RRP7A: variants seen among roughly 807,000 people sequenced by gnomAD.
The protein encoded by RRP7A is ribosomal RNA-processing protein 7 homolog A.
In RRP7A, 27 loss-of-function variants were observed where a neutral mutation model predicts 38.4. The observed-to-expected ratio is 0.70, with a 90% confidence interval of 0.52 to 0.97. The LOEUF is 0.97. Among genes scored for constraint, RRP7A ranks in the 50% least tolerant of loss-of-function variants. RRP7A has a pLI of 0.00. For missense variants in RRP7A, 327 were observed against 375.4 expected, an observed-to-expected ratio of 0.87 and a Z score of 1.07; for synonymous variants, 124 against 150.3, an observed-to-expected ratio of 0.83 and a Z score of 1.28.
In RRP7A at chr22:42,514,680, A is replaced by G; in HGVS notation, c.558+2T>C. The G allele has an allele frequency of 6.2e-7, 1 of 1,602,000 alleles. No individual in the cohort carries two copies. The highest frequency in any genetic ancestry group is 2.2e-5 in the East Asian group (1 of 44,588). On this transcript the variant is annotated splice_donor_variant, in intron 5 of 6. Transcript: ENST00000323013. LOFTEE classifies it high-confidence loss of function. ...GCTCGGCCGACCCCGCGGGGCCTCT[A>G]CCTCAGCGATCTTCTGGTCATATGC...
At position 42,508,426 on chromosome 22, in the gene RRP7A, T is replaced by A. The variant is rs1299879531; in HGVS notation, c.*4484A>T. On this transcript the variant is annotated 3_prime_UTR_variant, in exon 7 of 7. Transcript: ENST00000323013. ...AGCTTGATTGCATTATTTTGCATGCTGTTTTCCAAATCCAGCTTCGTGTCA... is the reference window on the plus strand; with the variant it reads ...AGCTTGATTGCATTATTTTGCATGCAGTTTTCCAAATCCAGCTTCGTGTCA... Among the ~76,000 whole-genome samples, 2 of 151,614 alleles carry A rather than the reference T, an allele frequency of 1.3e-5. No individual in the cohort carries two copies. Among genetic ancestry groups the A allele is most frequent in the African/African-American group, 2.4e-5 (1 of 41,060 alleles).
At position 42,509,850 on chromosome 22, in the gene RRP7A, G is replaced by GGTGTGTGTGTGTGTGTGGGTGTGT. The variant is rs1932395238; in HGVS notation, c.*3059_*3060insACACACCCACACACACACACACAC. The GGTGTGTGTGTGTGTGTGGGTGTGT allele has an allele frequency of 1.8e-5, 1 of 56,864 alleles. No individual in the cohort carries two copies. Among genetic ancestry groups the GGTGTGTGTGTGTGTGTGGGTGTGT allele is most frequent in the East Asian group, 6.4e-4 (1 of 1,572 alleles). The allele number at this position is 56,864 out of a possible 1,614,324, so 3.5% of individuals were successfully genotyped here. On this transcript the variant is annotated 3_prime_UTR_variant, in exon 7 of 7. Coordinates refer to ENST00000323013, the MANE Select transcript of RRP7A (RefSeq NM_015703.5). ...AAGCCTGTTGGGGGTGGGGGGGTGG[G>GGTGTGTGTGTGTGTGTGGGTGTGT]GTGTGTGTGTGTGTGTGTAAGCTCA...
chr22:42,511,241 A>T lies in RRP7A; in HGVS notation c.*1669T>A, dbSNP rs1932451032. On this transcript the variant is annotated 3_prime_UTR_variant, in exon 7 of 7. Transcript: ENST00000323013. ...GCTCAGGCTGGAGTGCAGTGGGAAGATCTCAGCTTACTGTAACCTCCACCT... is the reference window on the plus strand; with the variant it reads ...GCTCAGGCTGGAGTGCAGTGGGAAGTTCTCAGCTTACTGTAACCTCCACCT... The T allele has an allele frequency of 6.6e-6, 1 of 151,390 alleles. No individual in the cohort carries two copies. Among genetic ancestry groups the T allele is most frequent in the Non-Finnish European group, 1.5e-5 (1 of 67,980 alleles). The allele number at this position is 151,390 out of a possible 1,614,324, so 9.4% of individuals were successfully genotyped here. A position where few individuals can be genotyped will look rare whatever the true frequency, so the allele number is the denominator to read the frequency against.
At chr22:42,515,310 C>T (rs552182336) in intron 3 of RRP7A, 42 bp from the exon 4 acceptor site, 4 of 819,972 alleles carry the variant, frequency 4.9e-6, no homozygotes, top group South Asian at 1.6e-5. Context: ...CTCCTTCCCA[C>T]GTCTGGCACA....
At chr22:42,513,035 C>T (rs1236001584) in intron 6 of RRP7A, 40 bp from the exon 7 acceptor site, 52 of 1,562,822 alleles carry the variant, frequency 3.3e-5, no homozygotes, top group Non-Finnish European at 3.8e-5. Context: ...TCAGACAGCG[C>T]GCCCCGGGGA....
In RRP7A at chr22:42,512,872, G is replaced by A. The variant is rs547783682; in HGVS notation, c.*38C>T. On this transcript the variant is annotated 3_prime_UTR_variant, in exon 7 of 7. Transcript: ENST00000323013. ...GCAGGCCCTGCCTCGCCTCCTCCTG[G>A]CCCTGCACCTCCAGCCATTCACTGC... The A allele has an allele frequency of 1.9e-6, 3 of 1,598,698 alleles. No homozygotes were observed. Among genetic ancestry groups the A allele is most frequent in the Admixed American group, 1.7e-5 (1 of 59,414 alleles).
rs780035106 is a variant in RRP7A, at chr22:42,512,939, G to A, written c.814C>T (p.Arg272Trp). Reference sequence around the variant, plus strand: ...TACGGTCGGAATTTGCGCTGGGCCCGCAGCAGCTCGATCCTCTGCTTGTCC... The same window carrying A: ...TACGGTCGGAATTTGCGCTGGGCCCACAGCAGCTCGATCCTCTGCTTGTCC... The part of the protein sequence containing the change: ...EEDKQRIELL[R>W]AQRKFRPY The change falls in exon 7 of 7, where the codon CGG becomes TGG. Residue 272 changes from arginine (R) to tryptophan (W), a missense_variant. By Grantham distance (101) the Arg-to-Trp change is moderately radical. Around this residue, in one of 5 missense-constraint regions of RRP7A, gnomAD observed 84 missense variants for 82.8 expected, o/e 1.01. Coordinates refer to ENST00000323013, the MANE Select transcript of RRP7A (RefSeq NM_015703.5). The A allele has an allele frequency of 5.0e-6, 8 of 1,613,528 alleles. No homozygotes were observed. The highest frequency in any genetic ancestry group is 3.3e-5 in the Admixed American group (2 of 60,000).
At position 42,508,865 on chromosome 22, in the gene RRP7A, AGAGCCTTCGAT is replaced by A. The variant is rs1932352731; in HGVS notation, c.*4034_*4044del. ...GGAGTCTCTGGCCACCAGGGGCTAAAGAGCCTTCGATGAGGCAGTGATGTGGGGTCCTGGGC... is the reference window on the plus strand; with the variant it reads ...GGAGTCTCTGGCCACCAGGGGCTAAAGAGGCAGTGATGTGGGGTCCTGGGC... On this transcript the variant is annotated 3_prime_UTR_variant, in exon 7 of 7. Coordinates refer to ENST00000323013, the MANE Select transcript of RRP7A (RefSeq NM_015703.5). Among the ~76,000 whole-genome samples the A allele has an allele frequency of 6.6e-6, 1 of 152,232 alleles. No homozygotes were observed. Among genetic ancestry groups the A allele is most frequent in the African/African-American group, 2.4e-5 (1 of 41,460 alleles).
intron 2 of RRP7A, 86 bp downstream of exon 2, chr22:42,517,919 C>A (rs1920935135): frequency 1.3e-6 from 2 of 1,483,666 alleles, no homozygotes; most frequent in South Asian, 1.2e-5. Flanking sequence ...TTAGCTGTGT[C>A]CGTCTCACCA....
At chr22:42,514,455 T>C (rs2743830) in intron 5 of RRP7A, 151 bp from the exon 6 acceptor site, 2 of 796,986 alleles carry the variant, frequency 2.5e-6, no homozygotes, top group African/African-American at 3.5e-5. Context: ...GGGCTAAGGA[T>C]GGCGGGGAGG....
chr22:42,519,103 A>G (rs1296293139), intron 1 of RRP7A, among the ~76,000 whole-genome samples: 2 of 149,414 alleles, frequency 1.3e-5, no homozygotes, highest in African/African-American at 5.0e-5. Context: ...TCAGAGGAAC[A>G]GAAAGAGCTT....
At chr22:42,514,353 A>T (rs1569260253) in intron 5 of RRP7A, 49 bp from the exon 6 acceptor site, 3 of 1,394,088 alleles carry the variant, frequency 2.2e-6, no homozygotes, top group Non-Finnish European at 2.0e-6. Flanking sequence ...TGCAGCCTCC[A>T]GCAGCGCGCC....
chr22:42,514,870 C>T (rs1920926049), intron 4 of RRP7A, 91 bp from the exon 5 acceptor site: 26 of 1,008,810 alleles, frequency 2.6e-5, no homozygotes, highest in Non-Finnish European at 3.8e-5. Context: ...GGGACCTTTT[C>T]CCACAGGGCC....
chr22:42,517,299 AAAT>A (rs1465223828), intron 2 of RRP7A, among the ~76,000 whole-genome samples: 7 of 147,178 alleles, frequency 4.8e-5, no homozygotes, highest in Non-Finnish European at 6.0e-5. Context: ...TTAAATAAAT[AAAT>A]AAATAAATAA....
At chr22:42,515,959 G>A in intron 3 of RRP7A, 52 bp downstream of exon 3, 1 of 1,544,160 alleles carries the variant, frequency 6.5e-7, no homozygotes, top group Non-Finnish European at 8.7e-7. Context: ...ACACACTGGG[G>A]ACAGTGCCCC....
In RRP7A at chr22:42,518,587, G is replaced by C. The variant is rs1455850152; in HGVS notation, c.74-440C>G. 4 of 463,086 alleles carry C rather than the reference G, an allele frequency of 8.6e-6. No individual in the cohort carries two copies. In the Middle Eastern group the frequency reaches 1.7e-3, roughly 200 times the overall value. 28.7% of individuals were successfully genotyped at this position (463,086 alleles called of 1,614,324 possible). ...ACACATGCTGGCCTCTCTACCTGGC[G>C]TGTCACCCTCTTCCCTCCCGCTCAC... On this transcript the variant is annotated intron_variant, in intron 1 of 6. Coordinates refer to ENST00000323013, the MANE Select transcript of RRP7A (RefSeq NM_015703.5).
At position 42,510,283 on chromosome 22, in the gene RRP7A, G is replaced by A. The variant is rs2146615384; in HGVS notation, c.*2627C>T. 1 of 155,444 alleles carries A rather than the reference G, an allele frequency of 6.4e-6. No homozygotes were observed. The highest frequency in any genetic ancestry group is 3.2e-3 in the Middle Eastern group (1 of 314). 9.6% of individuals were successfully genotyped at this position (155,444 alleles called of 1,614,324 possible). A position where few individuals can be genotyped will look rare whatever the true frequency, so the allele number is the denominator to read the frequency against. ...GGCCAGGATTGTAGACTTTCAATGGGAGGATTGTGAAGACATAAATTCTCT... is the reference window on the plus strand; with the variant it reads ...GGCCAGGATTGTAGACTTTCAATGGAAGGATTGTGAAGACATAAATTCTCT... On this transcript the variant is annotated 3_prime_UTR_variant, in exon 7 of 7. Coordinates refer to ENST00000323013, the MANE Select transcript of RRP7A (RefSeq NM_015703.5).
intron 1 of RRP7A, among the ~76,000 whole-genome samples, chr22:42,519,470 C>T (rs573026571): frequency 0.013 from 1,956 of 152,124 alleles, 28 homozygotes; most frequent in African/African-American, 0.044. Flanking sequence ...TGGACAGAGG[C>T]GGGCTCACCC....
At position 42,513,129 on chromosome 22, in the gene RRP7A, A is replaced by C. The variant is rs898547693; in HGVS notation, c.758-134T>G. The C allele has an allele frequency of 1.0e-5, 8 of 763,676 alleles. No homozygotes were observed. In the African/African-American group the frequency reaches 1.2e-4, roughly 12 times the overall value. The allele number at this position is 763,676 out of a possible 1,614,324, so 47.3% of individuals were successfully genotyped here. On this transcript the variant is annotated intron_variant, in intron 6 of 6. Coordinates refer to ENST00000323013, the MANE Select transcript of RRP7A (RefSeq NM_015703.5). ...TCCCCCACCAGCCCATCCCCCTCCC[A>C]GCTCTGCTGTGGGGGCAGGGTCTGG...
Sources: allele counts gnomAD v4.1 joint callset (sites outside exome capture counted in the v4.1 genomes callset), GRCh38; gene constraint gnomAD v4.1.1; regional missense constraint gnomAD v4.1.1; transcripts MANE v1.5; gene names NCBI Gene and HGNC (gene_info 2026-07-23, HGNC 2026-07-21).